The following CHRM3 variants were observed in gnomAD, a reference collection of about 807,000 sequenced individuals.
The protein encoded by CHRM3 is cholinergic receptor muscarinic 3.
CHRM3 carries 11 observed loss-of-function variants against 41.8 expected under a neutral mutation model. That is an observed-to-expected ratio of 0.26 (90% CI 0.17 to 0.44). The LOEUF (loss-of-function observed/expected upper bound fraction) is 0.44, where lower values mean the gene tolerates loss of function less well. Ranked by LOEUF, CHRM3 falls within the 20% of genes least tolerant of loss-of-function variation. CHRM3 has a pLI of 1.00. For synonymous variants in CHRM3, 297 were observed against 301.4 expected (o/e 0.99, Z 0.15); for missense variants, 571 against 745.4 (o/e 0.77, Z 2.72).
At chr1:239,437,095 A>G (rs544507007) in intron 1 of CHRM3, among the ~76,000 whole-genome samples, 21 of 152,090 alleles carry the variant, frequency 1.4e-4, no homozygotes, top group Non-Finnish European at 2.5e-4. Context: ...TTTTTTTCCC[A>G]CTAAACTAGT....
intron 3 of CHRM3, among the ~76,000 whole-genome samples, chr1:239,574,824 T>C (rs1373000717): frequency 1.3e-5 from 2 of 152,080 alleles, no homozygotes; most frequent in Non-Finnish European, 2.9e-5. Flanking sequence ...CTCTTCCTCC[T>C]CCTCTTCTTA....
intron 5 of CHRM3, among the ~76,000 whole-genome samples, chr1:239,762,129 G>A (rs1572212126): frequency 6.6e-6 from 1 of 151,976 alleles, no homozygotes; most frequent in Non-Finnish European, 1.5e-5. Context: ...GAGGCAATAG[G>A]GTAAATCCAG....
intron 6 of CHRM3, among the ~76,000 whole-genome samples, chr1:239,904,258 C>T (rs1163387901): frequency 6.6e-6 from 1 of 152,030 alleles, no homozygotes; most frequent in South Asian, 2.1e-4. Flanking sequence ...AACACAGGCC[C>T]GGTGCTGGAA....
At chr1:239,388,987 G>T (rs536055589) in intron 1 of CHRM3, among the ~76,000 whole-genome samples, 1 of 152,174 alleles carries the variant, frequency 6.6e-6, no homozygotes, top group Non-Finnish European at 1.5e-5. Context: ...TGACATTGCC[G>T]GTCGGATTTA....
intron 3 of CHRM3, among the ~76,000 whole-genome samples, chr1:239,567,612 A>G (rs932113966): frequency 8.5e-5 from 13 of 152,152 alleles, no homozygotes; most frequent in African/African-American, 2.7e-4. Flanking sequence ...TCTCTGGGGA[A>G]AGGATTGGTC....
chr1:239,634,051 T>G (rs974928955), intron 4 of CHRM3, among the ~76,000 whole-genome samples: 1 of 152,210 alleles, frequency 6.6e-6, no homozygotes, highest in African/African-American at 2.4e-5. Flanking sequence ...AAGAACTTTG[T>G]CCTGTGAACT....
chr1:239,799,830 A>G lies in CHRM3; in HGVS notation c.-146-27422A>G, dbSNP rs549599439. On this transcript the variant is annotated intron_variant, in intron 5 of 6. Coordinates refer to ENST00000676153, the MANE Select transcript of CHRM3 (RefSeq NM_001375978.1). ...AGCATTTATTCCCTTGCCGCTCTCA[A>G]TGAACCCATGAATTATGAGTAACAG... is the stretch of plus-strand genomic sequence containing the variant. Among the ~76,000 whole-genome samples the G allele has an allele frequency of 2.6e-5, 4 of 152,340 alleles. No individual in the cohort carries two copies. In the East Asian group the frequency reaches 5.8e-4, roughly 22 times the overall value.
rs1228264806 is a variant in CHRM3 at position 239,635,234 on chromosome 1, G to A, written c.-250+2948G>A. On this transcript the variant is annotated intron_variant, in intron 4 of 6. Transcript: ENST00000676153. ...ACAAAATTACATTCTGTCACAGCCA[G>A]CGTCTGCTTTGGGAAACCTCCATCA... 5.3e-5 allele frequency among the ~76,000 whole-genome samples: 8 copies of A among 152,110 alleles called. No individual in the cohort carries two copies. In the East Asian group the frequency reaches 1.5e-3, roughly 29 times the overall value.
intron 1 of CHRM3, among the ~76,000 whole-genome samples, chr1:239,427,307 C>A (rs908189459): frequency 6.6e-6 from 1 of 152,068 alleles, no homozygotes; most frequent in African/African-American, 2.4e-5. Flanking sequence ...ATGAAACACA[C>A]CAGGACTAGC....
chr1:239,586,695 T>C (rs185501117), intron 3 of CHRM3, among the ~76,000 whole-genome samples: 23 of 152,298 alleles, frequency 1.5e-4, no homozygotes, highest in Admixed American at 1.3e-4. Context: ...GTGGGGAAAT[T>C]ATAATTTTGA....
intron 6 of CHRM3, among the ~76,000 whole-genome samples, chr1:239,855,838 C>A (rs1247532467): frequency 6.6e-6 from 1 of 152,112 alleles, no homozygotes; most frequent in Non-Finnish European, 1.5e-5. Context: ...GTCCCTCTGT[C>A]CATCTAAAAA....
Position 239,743,761 on chromosome 1 carries a change from TTTTC to T in CHRM3, c.-147+65477_-147+65480del, listed in dbSNP as rs201857542. Among the ~76,000 whole-genome samples, 93 of 150,310 alleles carry T rather than the reference TTTTC, an allele frequency of 6.2e-4. No homozygotes were observed. In the East Asian group the frequency reaches 0.016, roughly 27 times the overall value. On this transcript the variant is annotated intron_variant, in intron 5 of 6. Coordinates refer to ENST00000676153, the MANE Select transcript of CHRM3 (RefSeq NM_001375978.1). ...TTTCTCCTTGCCTCAGTGATCTTCT[TTTTC>T]TTTTTCTTTTTCTTTTTTTTTTCTT...
chr1:239,666,449 C>T lies in CHRM3; in HGVS notation c.-249-11737C>T, dbSNP rs533834293. On this transcript the variant is annotated intron_variant, in intron 4 of 6. Transcript: ENST00000676153. ...TCAGGTGATCTGCCCACCTTGGCCT[C>T]CCAAAGTGCTCGGATTACAGGCGTG... 2.1e-3 allele frequency among the ~76,000 whole-genome samples: 319 copies of T among 152,154 alleles called. 2 individuals carry two copies. Among genetic ancestry groups the T allele is most frequent in the African/African-American group, 7.2e-3 (301 of 41,520 alleles).
intron 1 of CHRM3, among the ~76,000 whole-genome samples, chr1:239,448,947 T>G (rs1225472265): frequency 6.6e-6 from 1 of 152,182 alleles, no homozygotes; most frequent in African/African-American, 2.4e-5. Flanking sequence ...TGAAAATCTT[T>G]AGTATCAAAA....
intron 1 of CHRM3, among the ~76,000 whole-genome samples, chr1:239,394,667 G>A (rs576996158): frequency 1.3e-5 from 2 of 152,174 alleles, no homozygotes; most frequent in South Asian, 2.1e-4. Flanking sequence ...CTCACCAGGG[G>A]GGTCATTCCA....
chr1:239,888,334 T>G (rs965326816), intron 6 of CHRM3, among the ~76,000 whole-genome samples: 1 of 150,952 alleles, frequency 6.6e-6, no homozygotes, highest in African/African-American at 2.4e-5. Context: ...CACCACTGCA[T>G]TCCACACTCC....
chr1:239,600,493 C>T (rs953312126), intron 3 of CHRM3, among the ~76,000 whole-genome samples: 1 of 152,028 alleles, frequency 6.6e-6, no homozygotes, highest in Non-Finnish European at 1.5e-5. Context: ...ATCTTTTGTT[C>T]CCAATGAGTG....
chr1:239,523,184 A>G (rs531786955), intron 2 of CHRM3, among the ~76,000 whole-genome samples: 7 of 152,288 alleles, frequency 4.6e-5, no homozygotes, highest in African/African-American at 1.7e-4. Context: ...ACACATGCAC[A>G]TAGAATGTAT....
intron 3 of CHRM3, among the ~76,000 whole-genome samples, chr1:239,563,835 T>C (rs1226627254): frequency 1.3e-5 from 2 of 152,096 alleles, no homozygotes; most frequent in Non-Finnish European, 2.9e-5. Flanking sequence ...TGTGGCAGGA[T>C]CACATGAAAT....
Sources: allele counts gnomAD v4.1 joint callset (sites outside exome capture counted in the v4.1 genomes callset), GRCh38; gene constraint gnomAD v4.1.1; transcripts MANE v1.5; gene names NCBI Gene and HGNC (gene_info 2026-07-23, HGNC 2026-07-21).